Variants in TDRP observed in about 807,000 individuals in gnomAD.
The protein encoded by TDRP is testis development-related protein.
A neutral mutation model predicts 10.5 loss-of-function variants in TDRP; 12 were observed. The observed-to-expected ratio is 1.15, with a 90% CI of 0.73 to 1.86. The LOEUF (loss-of-function observed/expected upper bound fraction) is 1.86. Among genes scored for constraint, TDRP ranks in the 40% most tolerant of loss-of-function variants. The pLI is 0.00. For synonymous variants in TDRP, 139 were observed against 95.4 expected (o/e 1.46, Z -2.67); for missense variants, 353 against 229.2 (o/e 1.54, Z -3.49).
rs763676979 is a variant in TDRP, at chr8:535,946, A to C, written c.108+8704T>G. On this transcript the variant is annotated intron_variant, in intron 1 of 2. Transcript: ENST00000324079. ...CGTTCAGTTTTCAAGACAGTGACTG[A>C]CTCACAAAGTGAAACCCACAGCCTA... 1.0e-3 allele frequency among the ~76,000 whole-genome samples: 155 copies of C among 152,226 alleles called. 1 individual carries two copies. Among genetic ancestry groups the C allele is most frequent in the Admixed American group, 2.2e-3 (34 of 15,304 alleles).
At chr8:535,376 C>G (rs914023925) in intron 1 of TDRP, among the ~76,000 whole-genome samples, 2 of 152,094 alleles carry the variant, frequency 1.3e-5, no homozygotes, top group African/African-American at 4.8e-5. Flanking sequence ...TGTGGTTCGC[C>G]TGGTTATATA....
chr8:527,529 G>C (rs540715106), intron 1 of TDRP, among the ~76,000 whole-genome samples: 1 of 152,258 alleles, frequency 6.6e-6, no homozygotes, highest in African/African-American at 2.4e-5. Context: ...CAGAGCTAGA[G>C]TAACCAAATG....
intron 1 of TDRP, among the ~76,000 whole-genome samples, chr8:514,336 C>G (rs1280149690): frequency 6.6e-6 from 1 of 152,138 alleles, no homozygotes; most frequent in Non-Finnish European, 1.5e-5. Context: ...AAGAAGAGTG[C>G]CAAGACAATT....
intron 1 of TDRP, among the ~76,000 whole-genome samples, chr8:520,887 T>C (rs566281659): frequency 9.3e-4 from 141 of 152,286 alleles, no homozygotes; most frequent in African/African-American, 3.3e-3. Context: ...ATTCCAAACG[T>C]TGCATTTTTA....
At chr8:543,583 C>T (rs1020937206) in intron 1 of TDRP, among the ~76,000 whole-genome samples, 5 of 150,626 alleles carry the variant, frequency 3.3e-5, no homozygotes, top group African/African-American at 7.3e-5. Context: ...TAAGCACTAA[C>T]GCTACCTAAA....
chr8:527,318 A>G (rs1802060406), intron 1 of TDRP, among the ~76,000 whole-genome samples: 1 of 152,216 alleles, frequency 6.6e-6, no homozygotes, highest in African/African-American at 2.4e-5. Context: ...AAGAGTCACT[A>G]TTGTTAAAAT....
chr8:527,304 C>T (rs1802059973), intron 1 of TDRP, among the ~76,000 whole-genome samples: 1 of 152,012 alleles, frequency 6.6e-6, no homozygotes, highest in Admixed American at 6.6e-5. Flanking sequence ...TGTTCATGGA[C>T]TGGAAGAGTC....
At chr8:517,984 T>C (rs1453187226) in intron 1 of TDRP, among the ~76,000 whole-genome samples, 1 of 152,042 alleles carries the variant, frequency 6.6e-6, no homozygotes, top group East Asian at 1.9e-4. Context: ...TGGAGCACAG[T>C]GGAATTTTAA....
At chr8:508,715 C>T (rs1288120382) in intron 1 of TDRP, among the ~76,000 whole-genome samples, 2 of 152,308 alleles carry the variant, frequency 1.3e-5, no homozygotes, top group East Asian at 3.9e-4. Flanking sequence ...TGGCCCCTCC[C>T]AAATCTCATT....
chr8:542,692 T>C (rs1488790546), intron 1 of TDRP, among the ~76,000 whole-genome samples: 8 of 151,820 alleles, frequency 5.3e-5, no homozygotes, highest in Admixed American at 5.2e-4. Flanking sequence ...TGGACAACTC[T>C]GTCTCTACTA....
chr8:534,512 C>CT (rs1403639234), intron 1 of TDRP, among the ~76,000 whole-genome samples: 29 of 152,306 alleles, frequency 1.9e-4, no homozygotes, highest in African/African-American at 6.3e-4. Context: ...CAGGTGCTCC[C>CT]TCCGTAGGGA....
chr8:507,763 G>A (rs1355677514), intron 1 of TDRP, among the ~76,000 whole-genome samples: 1 of 152,188 alleles, frequency 6.6e-6, no homozygotes, highest in Non-Finnish European at 1.5e-5. Context: ...TCAGTACCCA[G>A]AGTGGCTACA....
At chr8:526,342 G>C (rs1407364830) in intron 1 of TDRP, among the ~76,000 whole-genome samples, 1 of 152,130 alleles carries the variant, frequency 6.6e-6, no homozygotes. Flanking sequence ...TATGATACTA[G>C]CTATGAATCT....
chr8:498,453 G>A (rs1419234696), intron 1 of TDRP, among the ~76,000 whole-genome samples: 2 of 152,158 alleles, frequency 1.3e-5, no homozygotes, highest in Non-Finnish European at 2.9e-5. Flanking sequence ...TTTGTTGTGG[G>A]TGCATTTACC....
At chr8:513,700 G>A (rs577187998) in intron 1 of TDRP, among the ~76,000 whole-genome samples, 1 of 152,146 alleles carries the variant, frequency 6.6e-6, no homozygotes, top group African/African-American at 2.4e-5. Context: ...GAAACAAAAT[G>A]AAACTATCTC....
At chr8:526,200 G>C (rs879279794) in intron 1 of TDRP, among the ~76,000 whole-genome samples, 1 of 152,106 alleles carries the variant, frequency 6.6e-6, no homozygotes, top group African/African-American at 2.4e-5. Context: ...GTTTCGCTAG[G>C]TTGGCCAGGC....
upstream of TDRP, chr8:544,834 TGCCTGCGGC>T: frequency 1.9e-6 from 2 of 1,072,294 alleles, no homozygotes; most frequent in East Asian, 3.4e-5. Flanking sequence ...CCGGACGCTC[TGCCTGCGGC>T]TCCTGCGGGA....
At chr8:510,611 C>G (rs1299482544) in intron 1 of TDRP, among the ~76,000 whole-genome samples, 5 of 152,180 alleles carry the variant, frequency 3.3e-5, no homozygotes, top group Admixed American at 2.6e-4. Flanking sequence ...AAAAAAAATT[C>G]TCAACCAAAA....
chr8:531,994 T>C (rs930882308), intron 1 of TDRP, among the ~76,000 whole-genome samples: 2 of 152,232 alleles, frequency 1.3e-5, no homozygotes, highest in African/African-American at 2.4e-5. Context: ...TTTGCTGCTA[T>C]AGCAGAACAA....
Sources: gnomAD v4.1 joint callset for allele counts (sites outside exome capture counted in the v4.1 genomes callset) on GRCh38, gnomAD v4.1.1 for gene constraint, MANE v1.5 for transcripts, NCBI Gene and HGNC (gene_info 2026-07-23, HGNC 2026-07-21) for gene names.